Variants in CAMK1D observed in about 807,000 individuals in gnomAD.
CAMK1D encodes the protein calcium/calmodulin dependent protein kinase ID.
In CAMK1D, 9 loss-of-function variants were observed where a neutral mutation model predicts 47.7. That is an observed-to-expected ratio of 0.19 (90% CI 0.11 to 0.33). The LOEUF is 0.33. Ranked by LOEUF, CAMK1D falls within the 10% of genes least tolerant of loss-of-function variation. The probability of loss-of-function intolerance (pLI) is 1.00; values close to 1 mark genes in which losing one functional copy is unlikely to be tolerated. For missense variants in CAMK1D, 291 were observed against 488.7 expected (o/e 0.60, Z 3.81); for synonymous variants, 184 against 184.9 (o/e 0.99, Z 0.04).
chr10:12,749,819 A>C (rs1835865844), intron 3 of CAMK1D, among the ~76,000 whole-genome samples: 1 of 143,904 alleles, frequency 6.9e-6, no homozygotes, highest in East Asian at 2.0e-4. Flanking sequence ...CAAACTCCTG[A>C]CTGCAAATGA....
intron 1 of CAMK1D, among the ~76,000 whole-genome samples, chr10:12,425,308 G>A (rs1238679868): frequency 7.0e-6 from 1 of 142,626 alleles, no homozygotes; most frequent in African/African-American, 2.6e-5. Flanking sequence ...TTGAGACAGA[G>A]TCTTGCTCTG....
At chr10:12,437,136 A>ACTATCTAT (rs71384328) in intron 1 of CAMK1D, among the ~76,000 whole-genome samples, 5 of 150,914 alleles carry the variant, frequency 3.3e-5, no homozygotes, top group South Asian at 2.1e-4. Flanking sequence ...AAACAGACCG[A>ACTATCTAT]CTATCTATCT....
At chr10:12,401,502 C>T (rs1475711007) in intron 1 of CAMK1D, among the ~76,000 whole-genome samples, 1 of 150,124 alleles carries the variant, frequency 6.7e-6, no homozygotes, top group Non-Finnish European at 1.5e-5. Context: ...GTGCTGGGGG[C>T]ACAAAAACAG....
At chr10:12,504,152 A>G (rs953491535) in intron 1 of CAMK1D, among the ~76,000 whole-genome samples, 1 of 139,252 alleles carries the variant, frequency 7.2e-6, no homozygotes, top group African/African-American at 2.8e-5. Flanking sequence ...TGTGTGTGTG[A>G]TGTATGTAAT....
chr10:12,567,009 G>C (rs12255277), intron 2 of CAMK1D, among the ~76,000 whole-genome samples: 87 of 152,262 alleles, frequency 5.7e-4, no homozygotes, highest in African/African-American at 2.0e-3. Flanking sequence ...GAGGCCCGTC[G>C]CCGAGCCTGC....
chr10:12,435,062 AC>A (rs1297563435), intron 1 of CAMK1D, among the ~76,000 whole-genome samples: 1 of 152,012 alleles, frequency 6.6e-6, no homozygotes, highest in African/African-American at 2.4e-5. Context: ...TACTAAAAAT[AC>A]AAAAATTAGC....
intron 5 of CAMK1D, among the ~76,000 whole-genome samples, chr10:12,784,232 TC>T (rs1837621245): frequency 2.1e-5 from 3 of 141,856 alleles, no homozygotes; most frequent in Non-Finnish European, 4.5e-5. Flanking sequence ...GGAGTTTCAC[TC>T]TTGTTGTCCA....
chr10:12,673,218 G>A (rs1840687664), intron 3 of CAMK1D, among the ~76,000 whole-genome samples: 1 of 132,018 alleles, frequency 7.6e-6, no homozygotes, highest in Non-Finnish European at 1.7e-5. Context: ...TTTTGTTTGA[G>A]CTTACGTTGA....
At chr10:12,816,983 G>A (rs2131090710) in intron 8 of CAMK1D, among the ~76,000 whole-genome samples, 1 of 150,854 alleles carries the variant, frequency 6.6e-6, no homozygotes, top group East Asian at 2.0e-4. Flanking sequence ...TCACAATCGT[G>A]GTGGAAGGCA....
At chr10:12,695,045 T>TAGAG (rs1833215152) in intron 3 of CAMK1D, among the ~76,000 whole-genome samples, 3 of 118,038 alleles carry the variant, frequency 2.5e-5, no homozygotes, top group African/African-American at 8.8e-5. Flanking sequence ...GATAGATAGA[T>TAGAG]AGATAGATAG....
chr10:12,657,790 T>A (rs11595685), intron 2 of CAMK1D, among the ~76,000 whole-genome samples: 1 of 152,004 alleles, frequency 6.6e-6, no homozygotes, highest in African/African-American at 2.4e-5. Context: ...CATTTAAATA[T>A]ACACACACAC....
At chr10:12,446,651 A>C (rs1383527040) in intron 1 of CAMK1D, among the ~76,000 whole-genome samples, 3 of 152,204 alleles carry the variant, frequency 2.0e-5, no homozygotes, top group Non-Finnish European at 4.4e-5. Context: ...CTCTGACACT[A>C]GTATTTGAGG....
chr10:12,409,406 G>A (rs1324547920), intron 1 of CAMK1D, among the ~76,000 whole-genome samples: 2 of 152,198 alleles, frequency 1.3e-5, no homozygotes, highest in Non-Finnish European at 2.9e-5. Flanking sequence ...GGTGTATGCT[G>A]TTCTAGACAG....
intron 3 of CAMK1D, among the ~76,000 whole-genome samples, chr10:12,715,724 C>CTTT (rs34313574): frequency 1.6e-5 from 2 of 128,726 alleles, no homozygotes; most frequent in Non-Finnish European, 1.6e-5. Context: ...TGGCATTTGC[C>CTTT]TTTTTTTTTT....
At chr10:12,446,150 G>A (rs551559175) in intron 1 of CAMK1D, among the ~76,000 whole-genome samples, 3 of 152,248 alleles carry the variant, frequency 2.0e-5, no homozygotes, top group Admixed American at 6.5e-5. Flanking sequence ...CTTGGGTCTC[G>A]TGCAAGAGAG....
intron 6 of CAMK1D, among the ~76,000 whole-genome samples, chr10:12,813,031 A>G (rs1832667264): frequency 6.6e-6 from 1 of 152,232 alleles, no homozygotes; most frequent in Non-Finnish European, 1.5e-5. Flanking sequence ...TATGGAATGA[A>G]TTGTAGTGGG....
intron 1 of CAMK1D, among the ~76,000 whole-genome samples, chr10:12,536,461 T>G (rs1261909147): frequency 6.6e-6 from 1 of 152,114 alleles, no homozygotes; most frequent in Non-Finnish European, 1.5e-5. Flanking sequence ...GTATTTTTAG[T>G]AGAGATGGGG....
At chr10:12,436,951 G>A (rs1427203229) in intron 1 of CAMK1D, among the ~76,000 whole-genome samples, 1 of 152,126 alleles carries the variant, frequency 6.6e-6, no homozygotes, top group Non-Finnish European at 1.5e-5. Flanking sequence ...CAGCACAGGG[G>A]AGAGGCACCA....
intron 1 of CAMK1D, among the ~76,000 whole-genome samples, chr10:12,469,009 G>T (rs912095223): frequency 1.3e-5 from 2 of 152,124 alleles, no homozygotes; most frequent in African/African-American, 2.4e-5. Context: ...CCCGGGCAAG[G>T]TGGGGGATTC....
Sources: allele counts gnomAD v4.1 joint callset (sites outside exome capture counted in the v4.1 genomes callset), GRCh38; gene constraint gnomAD v4.1.1; transcripts MANE v1.5; gene names NCBI Gene and HGNC (gene_info 2026-07-23, HGNC 2026-07-21).